Variants in MTMR7 observed in about 807,000 individuals in gnomAD.
MTMR7 encodes the protein myotubularin related protein 7.
A neutral mutation model predicts 81.2 loss-of-function variants in MTMR7; 76 were observed. The ratio of observed to expected loss-of-function variants is 0.94; its 90% CI spans 0.78 to 1.13. The LOEUF is 1.13. MTMR7 is among the 50% of genes most tolerant of loss of function. The pLI is 0.00. For missense variants in MTMR7, 1,044 were observed against 820.0 expected (o/e 1.27, Z -3.34); for synonymous variants, 372 against 289.8 (o/e 1.28, Z -2.88).
At chr8:17,361,973 C>T (rs144108540) in intron 3 of MTMR7, among the ~76,000 whole-genome samples, 71 of 152,268 alleles carry the variant, frequency 4.7e-4, no homozygotes, top group African/African-American at 1.1e-3. Flanking sequence ...TATATACTGC[C>T]TTTGATGCTT....
intron 6 of MTMR7, among the ~76,000 whole-genome samples, chr8:17,335,811 C>T (rs79777577): frequency 0.014 from 2,185 of 152,346 alleles, 55 homozygotes; most frequent in African/African-American, 0.05. Flanking sequence ...GGTTTACTTA[C>T]ATTCAGATAG....
In MTMR7 at chr8:17,297,555, C is replaced by CGTA. The variant is rs2150445387; in HGVS notation, c.*2306_*2307insTAC. ...TGCTGGGTCATGGTCAAAATTCTTA[C>CGTA]CTATTTATTTCATATCAACTTTAAA... On this transcript the variant is annotated 3_prime_UTR_variant, in exon 14 of 14. Transcript: ENST00000180173. 9.0e-6 allele frequency: 1 copy of CGTA among 111,474 alleles called. No homozygotes were observed. The highest frequency in any genetic ancestry group is 3.4e-4 in the East Asian group (1 of 2,922). 6.9% of individuals were successfully genotyped at this position (111,474 alleles called of 1,614,324 possible). A position where few individuals can be genotyped will look rare whatever the true frequency, so the allele number is the denominator to read the frequency against.
chr8:17,398,831 T>A (rs1821336005), intron 1 of MTMR7, among the ~76,000 whole-genome samples: 1 of 151,834 alleles, frequency 6.6e-6, no homozygotes, highest in Admixed American at 6.6e-5. Flanking sequence ...GGATATGAAG[T>A]GAAAGTGTAG....
intron 7 of MTMR7, among the ~76,000 whole-genome samples, chr8:17,323,419 A>G (rs531130459): frequency 6.6e-6 from 1 of 152,122 alleles, no homozygotes; most frequent in Non-Finnish European, 1.5e-5. Flanking sequence ...AACAGGAACC[A>G]AACTGAAGGT....
intron 1 of MTMR7, among the ~76,000 whole-genome samples, chr8:17,393,261 A>G (rs774402117): frequency 6.6e-6 from 1 of 152,224 alleles, no homozygotes; most frequent in Non-Finnish European, 1.5e-5. Context: ...CTCACACCAT[A>G]TACAAAAATT....
chr8:17,394,864 G>T lies in MTMR7; in HGVS notation c.24+18405C>A, dbSNP rs551087763. 3.9e-5 allele frequency among the ~76,000 whole-genome samples: 6 copies of T among 152,122 alleles called. No homozygotes were observed. In the East Asian group the frequency reaches 1.2e-3, roughly 29 times the overall value. Reference sequence around the variant, plus strand: ...TTCATTCGACAAATTCATTCAGTCAGTAAGTATTTACTGAGCAGTGGTTAT... The same window carrying T: ...TTCATTCGACAAATTCATTCAGTCATTAAGTATTTACTGAGCAGTGGTTAT... On this transcript the variant is annotated intron_variant, in intron 1 of 13. Transcript: ENST00000180173.
At chr8:17,411,804 G>A (rs999065681) in intron 1 of MTMR7, among the ~76,000 whole-genome samples, 3 of 152,182 alleles carry the variant, frequency 2.0e-5, no homozygotes, top group Admixed American at 1.3e-4. Context: ...AAAAGGCCTT[G>A]ACTCCCCCAA....
At chr8:17,310,265 T>C (rs1817709390) in intron 9 of MTMR7, among the ~76,000 whole-genome samples, 1 of 152,088 alleles carries the variant, frequency 6.6e-6, no homozygotes, top group African/African-American at 2.4e-5. Context: ...CCTCCCAAAA[T>C]GCTGGGATTA....
At chr8:17,371,851 GTTTT>G (rs33920646) in intron 2 of MTMR7, among the ~76,000 whole-genome samples, 44 of 104,832 alleles carry the variant, frequency 4.2e-4, no homozygotes, top group African/African-American at 1.3e-3. Flanking sequence ...CTTACCTATA[GTTTT>G]TTTTTTTTTT....
intron 1 of MTMR7, among the ~76,000 whole-genome samples, chr8:17,407,125 T>G (rs1274940992): frequency 6.6e-6 from 1 of 152,074 alleles, no homozygotes; most frequent in Non-Finnish European, 1.5e-5. Flanking sequence ...TAAATTATAC[T>G]TCAATAAAGC....
At chr8:17,318,493 CAGG>C (rs1818213994) in intron 7 of MTMR7, among the ~76,000 whole-genome samples, 1 of 152,116 alleles carries the variant, frequency 6.6e-6, no homozygotes, top group African/African-American at 2.4e-5. Flanking sequence ...GGAACTGCAG[CAGG>C]AGGATGGACG....
intron 6 of MTMR7, chr8:17,338,715 C>T (rs1237715316): frequency 6.9e-6 from 1 of 145,412 alleles, no homozygotes; most frequent in East Asian, 2.2e-4. Flanking sequence ...TGAAAATCTT[C>T]CAGCAAAGGA....
Position 17,365,866 on chromosome 8 carries a change from G to C in MTMR7, c.311-4592C>G, listed in dbSNP as rs569483429. On this transcript the variant is annotated intron_variant, in intron 3 of 13. Transcript: ENST00000180173. ...TTTCTAAAATACTACACGAAATTAA[G>C]GATGAGTAACAGTTTGGCTGTTTCT... 6.3e-4 allele frequency among the ~76,000 whole-genome samples: 96 copies of C among 152,296 alleles called. No homozygotes were observed. The South Asian group carries it at 0.019, about 31-fold the overall frequency.
chr8:17,327,632 G>A (rs1446052920), intron 7 of MTMR7, among the ~76,000 whole-genome samples: 1 of 121,584 alleles, frequency 8.2e-6, no homozygotes, highest in African/African-American at 5.4e-5. Context: ...CTAAGAGGAA[G>A]AAACCTGGTA....
intron 7 of MTMR7, among the ~76,000 whole-genome samples, chr8:17,321,772 C>G (rs1488016000): frequency 6.6e-6 from 1 of 152,164 alleles, no homozygotes; most frequent in Non-Finnish European, 1.5e-5. Context: ...ATGGGGCTTA[C>G]TAATCCTGAG....
At chr8:17,332,596 A>G (rs1234068547) in intron 6 of MTMR7, among the ~76,000 whole-genome samples, 3 of 152,176 alleles carry the variant, frequency 2.0e-5, no homozygotes, top group South Asian at 2.1e-4. Context: ...TGCATGGCAA[A>G]CTGGGAGCTG....
At chr8:17,363,983 C>T (rs76303709) in intron 3 of MTMR7, among the ~76,000 whole-genome samples, 4,916 of 131,274 alleles carry the variant, frequency 0.037, 469 homozygotes, top group East Asian at 0.31. Flanking sequence ...TGATGAATTA[C>T]AGTTTCATAT....
intron 1 of MTMR7, among the ~76,000 whole-genome samples, chr8:17,408,039 G>T (rs1821637955): frequency 6.6e-6 from 1 of 152,142 alleles, no homozygotes; most frequent in Non-Finnish European, 1.5e-5. Flanking sequence ...GTTCTAAAAT[G>T]AGTTATTTAA....
chr8:17,358,726 G>C (rs971774284), intron 4 of MTMR7, among the ~76,000 whole-genome samples: 1 of 152,080 alleles, frequency 6.6e-6, no homozygotes, highest in African/African-American at 2.4e-5. Context: ...AAAAACATCA[G>C]TATCCTACCT....
Sources: allele counts gnomAD v4.1 joint callset (sites outside exome capture counted in the v4.1 genomes callset), GRCh38; gene constraint gnomAD v4.1.1; transcripts MANE v1.5; gene names NCBI Gene and HGNC (gene_info 2026-07-23, HGNC 2026-07-21).